Variants in ZNF75D observed in about 807,000 individuals in gnomAD.
The protein encoded by ZNF75D is zinc finger protein 75.
ZNF75D carries 33 observed loss-of-function variants against 33.3 expected under a neutral mutation model. The observed-to-expected ratio is 0.99, with a 90% CI of 0.75 to 1.32. ZNF75D has a LOEUF of 1.32. Ranked by LOEUF, ZNF75D falls within the 40% of genes most tolerant of loss-of-function variation. The pLI, the probability that ZNF75D is intolerant of heterozygous loss-of-function variation, is 0.00. For synonymous variants in ZNF75D, 113 were observed against 130.6 expected (o/e 0.87, Z 0.92); for missense variants, 338 against 367.5 (o/e 0.92, Z 0.66).
In ZNF75D at chrX:135,293,863, A is replaced by G. The variant is rs1556421973; in HGVS notation, c.278T>C (p.Val93Ala). 1 of 1,211,422 alleles carries G rather than the reference A, an allele frequency of 8.3e-7. No homozygotes were observed. The highest frequency in any genetic ancestry group is 1.1e-6 in the Non-Finnish European group (1 of 895,167). ...CAGAATGCTCAGGAACTGCTCTAAC[A>G]CCAGCATTTCCAAGATCTGCTCTTT... Reference protein sequence around the residue: ...HSKEQILEMLVLEQFLSILPK... With the variant: ...HSKEQILEMLALEQFLSILPK... The change falls in exon 3 of 7, where the codon GTG (valine) becomes GCG (alanine). Residue 93 changes from valine to alanine, a missense_variant. By Grantham distance (64) the Val-to-Ala change is moderately conservative. Coordinates refer to ENST00000370766, the MANE Select transcript of ZNF75D (RefSeq NM_007131.5).
At chrX:135,320,557 T>C (rs2084483173) in intron 1 of ZNF75D, among the ~76,000 whole-genome samples, 1 of 111,772 alleles carries the variant, frequency 8.9e-6, no homozygotes, top group African/African-American at 3.3e-5. Context: ...ATATACATGA[T>C]ACTGACAATT....
At chrX:135,338,592 G>A (rs187841319) in intron 1 of ZNF75D, among the ~76,000 whole-genome samples, 2 of 111,802 alleles carry the variant, frequency 1.8e-5, no homozygotes, top group East Asian at 5.7e-4. Context: ...CTTTCTAGTA[G>A]ATCTGTAATT....
At chrX:135,334,080 C>G (rs2084681680) in intron 1 of ZNF75D, among the ~76,000 whole-genome samples, 2 of 112,249 alleles carry the variant, frequency 1.8e-5, no homozygotes, top group Non-Finnish European at 3.8e-5. Context: ...TTGTCAGTTT[C>G]TAATTTAATG....
At chrX:135,326,297 A>G (rs1395037126) in intron 1 of ZNF75D, among the ~76,000 whole-genome samples, 2 of 109,750 alleles carry the variant, frequency 1.8e-5, no homozygotes, top group East Asian at 2.9e-4. Flanking sequence ...AAACACACCA[A>G]TCAGCACCCT....
chrX:135,274,007 AC>A (rs1217904820), intron 1 of ZNF75D, among the ~76,000 whole-genome samples: 1 of 111,656 alleles, frequency 9.0e-6, no homozygotes, highest in Admixed American at 9.6e-5. Flanking sequence ...AAACTGCTTT[AC>A]CCAAAATTTT....
chrX:135,290,948 C>G, intron 6 of ZNF75D, 61 bp downstream of exon 6: 1 of 1,107,643 alleles, frequency 9.0e-7, no homozygotes, highest in Non-Finnish European at 1.2e-6. Flanking sequence ...GTGCATTTTC[C>G]ATAAACAGAG....
intron 1 of ZNF75D, among the ~76,000 whole-genome samples, chrX:135,269,718 C>T (rs942524613): frequency 4.5e-5 from 5 of 111,475 alleles, no homozygotes; most frequent in Non-Finnish European, 9.4e-5. Flanking sequence ...AATAGAGCTA[C>T]CACAGGATCC....
At position 135,257,324 on chromosome X, in the gene ZNF75D, C is replaced by G. The variant is rs782784260; in HGVS notation, n.828-1547G>C. Among the ~76,000 whole-genome samples the G allele has an allele frequency of 3.6e-5, 4 of 111,089 alleles. No individual in the cohort carries two copies. In the Admixed American group the frequency reaches 3.8e-4, roughly 11 times the overall value. ...TGAGCCCCAGGCCTGGTAGCATTCA[C>G]TACAAGCTGATGGAAGAGCCCTTGG... On this transcript the variant is annotated intron_variant and non_coding_transcript_variant, in intron 1 of 3. Transcript: ENST00000494295.
chrX:135,297,979 T>A (rs1308976321), intron 1 of ZNF75D, among the ~76,000 whole-genome samples: 1 of 111,214 alleles, frequency 9.0e-6, no homozygotes, highest in Non-Finnish European at 1.9e-5. Flanking sequence ...CAGACTGAGA[T>A]CTGATGTCTT....
intron 1 of ZNF75D, among the ~76,000 whole-genome samples, chrX:135,332,898 AG>A (rs2084667700): frequency 8.9e-6 from 1 of 112,054 alleles, no homozygotes; most frequent in African/African-American, 3.2e-5. Context: ...GAATCTGGGT[AG>A]GCTGGAGACC....
chrX:135,323,441 C>T (rs2084521850), intron 1 of ZNF75D, among the ~76,000 whole-genome samples: 1 of 112,207 alleles, frequency 8.9e-6, no homozygotes, highest in Non-Finnish European at 1.9e-5. Context: ...CCTAGTGAGG[C>T]TTTTGCTTTT....
chrX:135,283,276 T>C (rs1318283422), downstream of ZNF75D, among the ~76,000 whole-genome samples: 1 of 111,785 alleles, frequency 8.9e-6, no homozygotes, highest in East Asian at 2.8e-4. Context: ...TCTACCAGTG[T>C]CTCATGCATG....
At chrX:135,263,694 A>G (rs1359105117) in intron 1 of ZNF75D, among the ~76,000 whole-genome samples, 1 of 112,393 alleles carries the variant, frequency 8.9e-6, no homozygotes, top group Non-Finnish European at 1.9e-5. Flanking sequence ...TTGGGCAGGG[A>G]GTGTCCCGTT....
Position 135,297,543 on chromosome X carries a change from C to A in ZNF75D, c.-390-1504G>T, listed in dbSNP as rs1265440947. 3 of 112,966 alleles carry A rather than the reference C, an allele frequency of 2.7e-5. No homozygotes were observed. In the East Asian group the frequency reaches 8.2e-4, roughly 31 times the overall value. 9.3% of individuals were successfully genotyped at this position (112,966 alleles called of 1,213,427 possible). On this transcript the variant is annotated intron_variant, in intron 1 of 6. Transcript: ENST00000370766. ...CCAGTGAGGATGGTCAGATAAAAGTCATTTTCTTTCCCCTAAACACTTCAA... is the reference window on the plus strand; with the variant it reads ...CCAGTGAGGATGGTCAGATAAAAGTAATTTTCTTTCCCCTAAACACTTCAA...
At chrX:135,267,078 G>A (rs1306991103) in intron 1 of ZNF75D, among the ~76,000 whole-genome samples, 1 of 111,152 alleles carries the variant, frequency 9.0e-6, no homozygotes, top group African/African-American at 3.3e-5. Context: ...GATAATGGAA[G>A]CCCAACATAC....
At chrX:135,339,401 G>GAATCTGAC (rs1192413538) in intron 1 of ZNF75D, among the ~76,000 whole-genome samples, 2 of 112,003 alleles carry the variant, frequency 1.8e-5, no homozygotes, top group Non-Finnish European at 3.8e-5. Flanking sequence ...GACCCATAGG[G>GAATCTGAC]AATCTGACAG....
At chrX:135,319,467 A>G (rs1279339696) in intron 1 of ZNF75D, among the ~76,000 whole-genome samples, 2 of 112,043 alleles carry the variant, frequency 1.8e-5, no homozygotes, top group Non-Finnish European at 3.8e-5. Flanking sequence ...AGGACAAAAT[A>G]TTGGCAGCAG....
chrX:135,278,250 C>A (rs2083906994), intron 1 of ZNF75D, among the ~76,000 whole-genome samples: 1 of 111,472 alleles, frequency 9.0e-6, no homozygotes, highest in African/African-American at 3.3e-5. Flanking sequence ...CTCTTTGTAG[C>A]AATTGTGAAT....
chrX:135,281,198 T>C (rs1039582474), downstream of ZNF75D, among the ~76,000 whole-genome samples: 1 of 110,037 alleles, frequency 9.1e-6, no homozygotes, highest in Non-Finnish European at 1.9e-5. Context: ...CATTCTTTTT[T>C]CTCTAATCTT....
Sources: gnomAD v4.1 joint callset for allele counts (sites outside exome capture counted in the v4.1 genomes callset) on GRCh38, gnomAD v4.1.1 for gene constraint, MANE v1.5 for transcripts, NCBI Gene and HGNC (gene_info 2026-07-23, HGNC 2026-07-21) for gene names.